Variants in LHFPL3 observed in about 807,000 individuals in gnomAD.
LHFPL3 encodes the protein LHFPL tetraspan subfamily member 3 protein.
A neutral mutation model predicts 19.3 loss-of-function variants in LHFPL3; 5 were observed. The ratio of observed to expected loss-of-function variants is 0.26; its 90% confidence interval spans 0.14 to 0.54. The LOEUF is 0.54. LHFPL3 is among the 20% of genes least tolerant of loss of function. LHFPL3 has a pLI of 0.94. For synonymous variants in LHFPL3, 133 were observed against 126.2 expected (o/e 1.05, Z -0.36); for missense variants, 249 against 307.4 (o/e 0.81, Z 1.42).
intron 1 of LHFPL3, among the ~76,000 whole-genome samples, chr7:104,702,343 C>A (rs1793120522): frequency 6.6e-6 from 1 of 152,020 alleles, no homozygotes; most frequent in Non-Finnish European, 1.5e-5. Flanking sequence ...ATTTTGGATT[C>A]CTTCAGTGTT....
chr7:104,778,346 A>T (rs894387875), intron 2 of LHFPL3, among the ~76,000 whole-genome samples: 1 of 152,124 alleles, frequency 6.6e-6, no homozygotes, highest in Non-Finnish European at 1.5e-5. Flanking sequence ...ACTCATCCAG[A>T]ATCAGTTGAC....
chr7:104,582,986 T>C (rs977007560), intron 1 of LHFPL3, among the ~76,000 whole-genome samples: 1 of 151,964 alleles, frequency 6.6e-6, no homozygotes, highest in Non-Finnish European at 1.5e-5. Context: ...AATAGATTTG[T>C]TCAAACAAAA....
intron 2 of LHFPL3, among the ~76,000 whole-genome samples, chr7:104,741,282 G>A (rs1442176097): frequency 6.6e-6 from 1 of 152,026 alleles, no homozygotes; most frequent in Non-Finnish European, 1.5e-5. Context: ...AAATTGTAAA[G>A]TGGGAAAATT....
At chr7:104,470,998 T>C (rs1454586342) in intron 1 of LHFPL3, among the ~76,000 whole-genome samples, 1 of 152,184 alleles carries the variant, frequency 6.6e-6, no homozygotes, top group African/African-American at 2.4e-5. Flanking sequence ...TGAAGCTTTC[T>C]CAGTTTCCAG....
chr7:104,508,408 A>G (rs1228145725), intron 1 of LHFPL3, among the ~76,000 whole-genome samples: 264 of 139,948 alleles, frequency 1.9e-3, no homozygotes, highest in African/African-American at 2.6e-3. Flanking sequence ...GAATTGAACA[A>G]TGAGATCACA....
chr7:104,719,621 CCA>C (rs1271835415), intron 1 of LHFPL3, among the ~76,000 whole-genome samples: 1 of 152,082 alleles, frequency 6.6e-6, no homozygotes, highest in African/African-American at 2.4e-5. Context: ...CATATAAAAA[CCA>C]ACAGTTTTTA....
chr7:104,774,297 G>A (rs77697052), intron 2 of LHFPL3, among the ~76,000 whole-genome samples: 3 of 152,138 alleles, frequency 2.0e-5, no homozygotes, highest in African/African-American at 7.2e-5. Flanking sequence ...TCTAACACTC[G>A]CTCTGTTCCA....
chr7:104,792,845 T>C (rs1003832152), intron 2 of LHFPL3, among the ~76,000 whole-genome samples: 1 of 152,212 alleles, frequency 6.6e-6, no homozygotes, highest in Admixed American at 6.5e-5. Context: ...GGAAATCTGA[T>C]GTTTCCTGTG....
At chr7:104,383,679 C>G (rs564231514) in intron 1 of LHFPL3, among the ~76,000 whole-genome samples, 2 of 152,052 alleles carry the variant, frequency 1.3e-5, no homozygotes, top group Admixed American at 1.3e-4. Flanking sequence ...GTTTGCTACT[C>G]TTTTTTTTAA....
At chr7:104,653,385 T>G (rs554314924) in intron 1 of LHFPL3, among the ~76,000 whole-genome samples, 1 of 152,242 alleles carries the variant, frequency 6.6e-6, no homozygotes, top group African/African-American at 2.4e-5. Flanking sequence ...TAAGTGCAAG[T>G]GATTAGGCCA....
intron 2 of LHFPL3, among the ~76,000 whole-genome samples, chr7:104,900,700 G>T (rs1160899118): frequency 6.6e-6 from 1 of 152,136 alleles, no homozygotes. Context: ...GTAAACACGT[G>T]GAAAATTCAG....
In LHFPL3 at chr7:104,729,815, A is replaced by G. The variant is rs192409520; in HGVS notation, c.446-6860A>G. Among the ~76,000 whole-genome samples, 4 of 152,286 alleles carry G rather than the reference A, an allele frequency of 2.6e-5. No individual in the cohort carries two copies. In the East Asian group the frequency reaches 7.7e-4, roughly 29 times the overall value. On this transcript the variant is annotated intron_variant, in intron 1 of 2. Coordinates refer to ENST00000424859, the MANE Select transcript of LHFPL3 (RefSeq NM_199000.3). ...CAACATGCAGATTTGTTACATATGTATACATGTGACATGTTGGTGTGCTGC... is the reference window on the plus strand; with the variant it reads ...CAACATGCAGATTTGTTACATATGTGTACATGTGACATGTTGGTGTGCTGC...
At chr7:104,348,187 C>T (rs953622538) in intron 1 of LHFPL3, among the ~76,000 whole-genome samples, 1 of 151,586 alleles carries the variant, frequency 6.6e-6, no homozygotes, top group Non-Finnish European at 1.5e-5. Context: ...GAGATGGAGA[C>T]CATCCTGGCC....
intron 1 of LHFPL3, among the ~76,000 whole-genome samples, chr7:104,438,962 T>C (rs1037117739): frequency 6.6e-6 from 1 of 152,190 alleles, no homozygotes; most frequent in African/African-American, 2.4e-5. Flanking sequence ...TATGAACAAG[T>C]CTATGTCAAT....
chr7:104,741,862 G>A (rs1279086019), intron 2 of LHFPL3, among the ~76,000 whole-genome samples: 3 of 152,130 alleles, frequency 2.0e-5, no homozygotes, highest in East Asian at 3.9e-4. Context: ...CTTTATATAG[G>A]AGCTGGCACA....
intron 1 of LHFPL3, among the ~76,000 whole-genome samples, chr7:104,572,207 A>G (rs550693453): frequency 3.9e-4 from 60 of 152,322 alleles, no homozygotes; most frequent in African/African-American, 1.4e-3. Context: ...GATTTTTGCC[A>G]TTGCGTGTAG....
intron 1 of LHFPL3, among the ~76,000 whole-genome samples, chr7:104,505,359 G>T (rs1411775597): frequency 2.0e-5 from 3 of 152,206 alleles, no homozygotes; most frequent in Non-Finnish European, 2.9e-5. Context: ...TCACATTGCT[G>T]ATGCTGAAGA....
At chr7:104,739,915 T>C (rs1178620505) in intron 2 of LHFPL3, among the ~76,000 whole-genome samples, 2 of 152,218 alleles carry the variant, frequency 1.3e-5, no homozygotes, top group Non-Finnish European at 2.9e-5. Flanking sequence ...GTTGATATGG[T>C]CTGGCTCTCT....
intron 1 of LHFPL3, among the ~76,000 whole-genome samples, chr7:104,368,280 G>A (rs948247906): frequency 4.6e-5 from 7 of 152,048 alleles, no homozygotes; most frequent in African/African-American, 1.7e-4. Context: ...TCTTTTAGTT[G>A]TTGTTGTTAT....
Sources: allele counts gnomAD v4.1 joint callset (sites outside exome capture counted in the v4.1 genomes callset), GRCh38; gene constraint gnomAD v4.1.1; transcripts MANE v1.5; gene names NCBI Gene and HGNC (gene_info 2026-07-23, HGNC 2026-07-21).